Variants in ARIH2 observed in about 807,000 individuals in gnomAD.
The protein encoded by ARIH2 is ariadne RBR E3 ubiquitin protein ligase 2, also known as E3 ubiquitin-protein ligase ARIH2.
ARIH2 carries 12 observed loss-of-function variants against 79.8 expected under a neutral mutation model. The observed-to-expected ratio is 0.15, with a 90% confidence interval of 0.10 to 0.24. The LOEUF (loss-of-function observed/expected upper bound fraction) is 0.24, where lower values mean the gene tolerates loss of function less well. Among genes scored for constraint, ARIH2 ranks in the 10% least tolerant of loss-of-function variants. The pLI, the probability that ARIH2 is intolerant of heterozygous loss-of-function variation, is 1.00. For synonymous variants in ARIH2, 224 were observed against 213.9 expected (o/e 1.05, Z -0.41); for missense variants, 301 against 618.3 (o/e 0.49, Z 5.44).
intron 3 of ARIH2, among the ~76,000 whole-genome samples, chr3:48,961,164 G>T (rs534786294): frequency 6.6e-6 from 1 of 152,260 alleles, no homozygotes; most frequent in East Asian, 1.9e-4. Context: ...TTGTTTTCTG[G>T]TGTTTCTGTA....
chr3:48,942,133 C>T (rs766737618), intron 3 of ARIH2, among the ~76,000 whole-genome samples: 20 of 151,776 alleles, frequency 1.3e-4, no homozygotes, highest in Non-Finnish European at 2.9e-4. Context: ...TCACTGCAAC[C>T]TCTGCCTCCT....
At chr3:48,960,533 G>T (rs1169716200) in intron 3 of ARIH2, among the ~76,000 whole-genome samples, 1 of 151,950 alleles carries the variant, frequency 6.6e-6, no homozygotes, top group Non-Finnish European at 1.5e-5. Flanking sequence ...GGAGGCCAAG[G>T]CAGGCGGATC....
rs375443519 is a variant in ARIH2 at position 48,953,504 on chromosome 3, C to T, written c.256-8108C>T. Among the ~76,000 whole-genome samples the T allele has an allele frequency of 2.3e-4, 35 of 152,094 alleles. No individual in the cohort carries two copies. In the East Asian group the frequency reaches 2.5e-3, roughly 11 times the overall value. ...CTGCAAGCTCCGCCTCCCGGGTTCA[C>T]GCCATTCTCCTGCCTCAGCCTCCTG... On this transcript the variant is annotated intron_variant, in intron 3 of 15. Coordinates refer to ENST00000356401, the MANE Select transcript of ARIH2 (RefSeq NM_006321.4).
rs2087634499 is a variant in ARIH2 at position 48,939,077 on chromosome 3, C to T, written c.255+11264C>T. 2.6e-5 allele frequency among the ~76,000 whole-genome samples: 4 copies of T among 151,992 alleles called. No homozygotes were observed. The South Asian group carries it at 8.3e-4, about 32-fold the overall frequency. On this transcript the variant is annotated intron_variant, in intron 3 of 15. Transcript: ENST00000356401. ...CTGCTTCCCAGGTTCAAGCAATTCT[C>T]CTGCCTCAGCCTCCTGAGTAGCTGG...
rs554922901 is a variant in ARIH2, at chr3:48,982,058, T to C, written c.1326+330T>C. ...AGCATGCATGTCCTTAAGATATATT[T>C]GACTGTTTTATACCTTGTTTAATTC... is the stretch of plus-strand genomic sequence containing the variant. On this transcript the variant is annotated intron_variant, in intron 14 of 15. Transcript: ENST00000356401. Among the ~76,000 whole-genome samples the C allele has an allele frequency of 3.9e-5, 6 of 152,356 alleles. No homozygotes were observed. In the South Asian group the frequency reaches 1.2e-3, roughly 32 times the overall value.
intron 3 of ARIH2, chr3:48,934,829 C>T: frequency 1.0e-6 from 1 of 985,408 alleles, no homozygotes; most frequent in African/African-American, 1.7e-5. Flanking sequence ...AAAACATGCT[C>T]ATCATCTTCC....
Position 48,927,493 on chromosome 3 carries a change from G to A in ARIH2, c.-66G>A, listed in dbSNP as rs566130090. ...AAAATACTAATGCATTTGAGAAAGC[G>A]GTAGTTTTGGGGGGAGGGGGAAAAA... is the stretch of plus-strand genomic sequence containing the variant. On this transcript the variant is annotated 5_prime_UTR_variant, in exon 3 of 16. Transcript: ENST00000356401. 102 of 1,561,814 alleles carry A rather than the reference G, an allele frequency of 6.5e-5. No homozygotes were observed. The South Asian group carries it at 8.4e-4, about 13-fold the overall frequency.
intron 11 of ARIH2, among the ~76,000 whole-genome samples, chr3:48,976,160 C>T (rs1364614218): frequency 6.6e-6 from 1 of 151,328 alleles, no homozygotes; most frequent in African/African-American, 2.4e-5. Context: ...GATCCGCCTA[C>T]CTTGGCCTCT....
rs1385300451 is a variant in ARIH2, at chr3:48,985,443, CTT to C, written c.*2175_*2176del. Reference sequence around the variant, plus strand: ...GTATTTTCATGAATTTACCATATATCTTTGTTTTTCTTCAACGAAAAAGTTAA... The same window carrying C: ...GTATTTTCATGAATTTACCATATATCTGTTTTTCTTCAACGAAAAAGTTAA... On this transcript the variant is annotated 3_prime_UTR_variant, in exon 16 of 16. Transcript: ENST00000356401. 6.6e-6 allele frequency: 1 copy of C among 152,186 alleles called. No individual in the cohort carries two copies. Among genetic ancestry groups the C allele is most frequent in the Non-Finnish European group, 1.5e-5 (1 of 68,036 alleles). The allele number at this position is 152,186 out of a possible 1,614,324, so 9.4% of individuals were successfully genotyped here.
chr3:48,919,163 C>T, intron 1 of ARIH2, 165 bp downstream of exon 1: 1 of 1,298,890 alleles, frequency 7.7e-7, no homozygotes, highest in Non-Finnish European at 9.7e-7. Context: ...CCGCCGTCAG[C>T]GGCCGGGCGC....
chr3:48,964,909 T>C lies in ARIH2; in HGVS notation c.324-10T>C. 1 of 1,612,732 alleles carries C rather than the reference T, an allele frequency of 6.2e-7. No homozygotes were observed. Among genetic ancestry groups the C allele is most frequent in the East Asian group, 2.2e-5 (1 of 44,850 alleles). ...TCTGATTGCCTTCATTTCTGCTTTT[T>C]GTTTTGTAGATACAAGTCCAATTCT... On this transcript the variant is annotated splice_polypyrimidine_tract_variant and intron_variant, in intron 4 of 15. Coordinates refer to ENST00000356401, the MANE Select transcript of ARIH2 (RefSeq NM_006321.4).
At chr3:48,968,944 C>T (rs764484340) in intron 7 of ARIH2, among the ~76,000 whole-genome samples, 1 of 152,044 alleles carries the variant, frequency 6.6e-6, no homozygotes, top group Non-Finnish European at 1.5e-5. Flanking sequence ...AGTGCAGTGG[C>T]GCAATCTTGG....
At chr3:48,950,921 A>G (rs2089865306) in intron 3 of ARIH2, among the ~76,000 whole-genome samples, 1 of 143,252 alleles carries the variant, frequency 7.0e-6, no homozygotes, top group South Asian at 2.3e-4. Context: ...TGGTTTTTGT[A>G]TATATTGACT....
chr3:48,949,387 G>C (rs2089664543), intron 3 of ARIH2, among the ~76,000 whole-genome samples: 1 of 152,220 alleles, frequency 6.6e-6, no homozygotes. Flanking sequence ...GATTACAGGT[G>C]TGAGCCATCG....
chr3:48,953,473 G>A (rs1406753739), intron 3 of ARIH2, among the ~76,000 whole-genome samples: 5 of 151,914 alleles, frequency 3.3e-5, no homozygotes, highest in African/African-American at 7.3e-5. Flanking sequence ...GTGCGACCTC[G>A]GCTCACTGCA....
chr3:48,978,647 A>C (rs1402544514), intron 11 of ARIH2, among the ~76,000 whole-genome samples: 1 of 151,460 alleles, frequency 6.6e-6, no homozygotes, highest in Non-Finnish European at 1.5e-5. Flanking sequence ...GAACCATTGG[A>C]TAGCTCTAGG....
chr3:48,928,367 G>A (rs1163935808), intron 3 of ARIH2, among the ~76,000 whole-genome samples: 1 of 152,124 alleles, frequency 6.6e-6, no homozygotes, highest in Non-Finnish European at 1.5e-5. Flanking sequence ...GAACAAAGTT[G>A]ATTACCCCAT....
intron 8 of ARIH2, among the ~76,000 whole-genome samples, chr3:48,973,360 G>A (rs1308231610): frequency 6.6e-6 from 1 of 152,056 alleles, no homozygotes; most frequent in Non-Finnish European, 1.5e-5. Context: ...GGTGGATCAC[G>A]AGGTCAGGAG....
chr3:48,934,612 G>A (rs2086862724), intron 3 of ARIH2: 1 of 985,366 alleles, frequency 1.0e-6, no homozygotes, highest in African/African-American at 1.7e-5. Context: ...TCAAATAGCT[G>A]GCCGTTAATA....
Sources: allele counts gnomAD v4.1 joint callset (sites outside exome capture counted in the v4.1 genomes callset), GRCh38; gene constraint gnomAD v4.1.1; transcripts MANE v1.5; gene names NCBI Gene and HGNC (gene_info 2026-07-23, HGNC 2026-07-21).